Variants in ANKRD13C observed in about 807,000 individuals in gnomAD.
ANKRD13C encodes the protein ankyrin repeat domain 13C.
ANKRD13C carries 16 observed loss-of-function variants against 65.5 expected under a neutral mutation model. The ratio of observed to expected loss-of-function variants is 0.24; its 90% CI spans 0.17 to 0.37. The LOEUF (loss-of-function observed/expected upper bound fraction) is 0.37, where lower values mean the gene tolerates loss of function less well. Among genes scored for constraint, ANKRD13C ranks in the 10% least tolerant of loss-of-function variants. The probability of loss-of-function intolerance (pLI) is 1.00; values close to 1 mark genes in which losing one functional copy is unlikely to be tolerated. For missense variants in ANKRD13C, 503 were observed against 655.9 expected, an observed-to-expected ratio of 0.77 and a Z score of 2.55; for synonymous variants, 235 against 238.7, an observed-to-expected ratio of 0.98 and a Z score of 0.14.
In ANKRD13C at chr1:70,354,309, G is replaced by A. The variant is rs573444936; in HGVS notation, c.100C>T (p.Leu34Phe). Residue 34 changes from leucine (L) to phenylalanine (F), a missense_variant, in exon 1 of 13, where the codon CTC becomes TTC. Coordinates refer to ENST00000370944, the MANE Select transcript of ANKRD13C (RefSeq NM_030816.5). ...CTGCTTCTGGTAAAGGTACCGCCGA[G>A]GGCAGCCGCCGCTTCCTCATCCCCG... ...EPGDEEAAAALGGTFTRSRIG... is the reference protein window; with the variant it reads ...EPGDEEAAAAFGGTFTRSRIG... 2 of 1,613,934 alleles carry A rather than the reference G, an allele frequency of 1.2e-6. No individual in the cohort carries two copies. Among genetic ancestry groups the A allele is most frequent in the Non-Finnish European group, 1.7e-6 (2 of 1,180,004 alleles).
chr1:70,265,940 A>AG (rs371798267), intron 12 of ANKRD13C, among the ~76,000 whole-genome samples: 5 of 150,918 alleles, frequency 3.3e-5, no homozygotes, highest in South Asian at 2.1e-4. Context: ...AAGGGAGGGA[A>AG]GAAGGAAGGA....
chr1:70,286,539 C>G (rs997165342), intron 9 of ANKRD13C, among the ~76,000 whole-genome samples: 1 of 151,970 alleles, frequency 6.6e-6, no homozygotes, highest in Admixed American at 6.6e-5. Context: ...CTGCTCATAC[C>G]ATTTTTATTC....
At chr1:70,269,098 T>C (rs574564222) in intron 12 of ANKRD13C, among the ~76,000 whole-genome samples, 2 of 149,848 alleles carry the variant, frequency 1.3e-5, no homozygotes, top group South Asian at 4.2e-4. Context: ...ATCCTAAATG[T>C]AGAAAAAGAA....
intron 1 of ANKRD13C, among the ~76,000 whole-genome samples, chr1:70,350,142 CA>C (rs1311936028): frequency 6.6e-6 from 1 of 152,104 alleles, no homozygotes; most frequent in Admixed American, 6.6e-5. Context: ...GATTCCATCA[CA>C]AAAAATAATA....
At chr1:70,307,891 G>C (rs1185890494) in intron 5 of ANKRD13C, among the ~76,000 whole-genome samples, 1 of 152,148 alleles carries the variant, frequency 6.6e-6, no homozygotes, top group South Asian at 2.1e-4. Flanking sequence ...GAAGGCTGAA[G>C]TGGGCTATGA....
At chr1:70,326,210 A>G (rs1272602262) in intron 2 of ANKRD13C, among the ~76,000 whole-genome samples, 2 of 132,902 alleles carry the variant, frequency 1.5e-5, no homozygotes, top group Non-Finnish European at 3.1e-5. Flanking sequence ...CAGCCTGGGC[A>G]ACAAGAGCCA....
chr1:70,330,949 A>G (rs1681768646), intron 2 of ANKRD13C, among the ~76,000 whole-genome samples: 1 of 152,176 alleles, frequency 6.6e-6, no homozygotes, highest in Non-Finnish European at 1.5e-5. Context: ...ATAACCTCCC[A>G]CGTGACATTA....
chr1:70,331,419 G>A (rs1306115444), intron 2 of ANKRD13C, among the ~76,000 whole-genome samples: 5 of 148,258 alleles, frequency 3.4e-5, no homozygotes. Flanking sequence ...AAATTAGCCG[G>A]GCATGGTAAC....
intron 3 of ANKRD13C, among the ~76,000 whole-genome samples, chr1:70,323,079 A>G (rs1681379728): frequency 6.6e-6 from 1 of 152,196 alleles, no homozygotes; most frequent in South Asian, 2.1e-4. Context: ...CATTCTGTTA[A>G]TTAGTTAGAA....
intron 9 of ANKRD13C, among the ~76,000 whole-genome samples, chr1:70,279,625 C>A (rs1266001208): frequency 6.6e-6 from 1 of 151,452 alleles, no homozygotes; most frequent in Admixed American, 6.6e-5. Flanking sequence ...TCTGCCTCAG[C>A]CTCCTGAGTT....
At chr1:70,326,362 T>C (rs902903104) in intron 2 of ANKRD13C, among the ~76,000 whole-genome samples, 17 of 151,908 alleles carry the variant, frequency 1.1e-4, no homozygotes, top group Non-Finnish European at 2.1e-4. Context: ...AGACAAGGTA[T>C]TGCTATCGAA....
chr1:70,317,827 G>T (rs1681135661), intron 3 of ANKRD13C, among the ~76,000 whole-genome samples: 1 of 152,114 alleles, frequency 6.6e-6, no homozygotes, highest in Admixed American at 6.5e-5. Flanking sequence ...TGCAGAGAAT[G>T]AAAAGAATTC....
rs916505093 is a variant in ANKRD13C at position 70,300,750 on chromosome 1, GACAACATGCTC to G, written c.921+3_921+13del. ...TAATGATTTAAAGGAATATTGATAA[GACAACATGCTC>G]ACCTCATGATGTATTCGCTGATAAA... On this transcript the variant is annotated splice_donor_5th_base_variant and intron_variant, in intron 7 of 12. Transcript: ENST00000370944. 6.4e-7 allele frequency: 1 copy of G among 1,574,506 alleles called. No homozygotes were observed.
Position 70,300,680 on chromosome 1 carries a change from A to C in ANKRD13C, c.921+84T>G, listed in dbSNP as rs182279420. 745 of 1,302,422 alleles carry C rather than the reference A, an allele frequency of 5.7e-4. 5 individuals are homozygous for C. The African/African-American group carries it at 8.9e-3, about 16-fold the overall frequency. 80.7% of individuals were successfully genotyped at this position (1,302,422 alleles called of 1,614,324 possible). A position where few individuals can be genotyped will look rare whatever the true frequency, so the allele number is the denominator to read the frequency against. ...CATCTCAATTATACCTTAAGCTTTT[A>C]AGCAAATTATACTGAGGTTTTGCTA... On this transcript the variant is annotated intron_variant, in intron 7 of 12. Transcript: ENST00000370944.
intron 5 of ANKRD13C, among the ~76,000 whole-genome samples, chr1:70,306,869 T>C (rs896228597): frequency 6.6e-6 from 1 of 152,238 alleles, no homozygotes; most frequent in African/African-American, 2.4e-5. Flanking sequence ...ATAGCTCATA[T>C]ACATGCCACA....
At chr1:70,340,512 G>A (rs1316045744) in intron 1 of ANKRD13C, among the ~76,000 whole-genome samples, 1 of 151,958 alleles carries the variant, frequency 6.6e-6, no homozygotes, top group Non-Finnish European at 1.5e-5. Flanking sequence ...TTTTTATTCT[G>A]CAGTTGTTGG....
At chr1:70,292,706 CAT>C (rs1367357699) in intron 8 of ANKRD13C, among the ~76,000 whole-genome samples, 157 bp from the exon 9 acceptor site, 1 of 152,130 alleles carries the variant, frequency 6.6e-6, no homozygotes, top group African/African-American at 2.4e-5. Context: ...GGTTATACAA[CAT>C]ATACATCTAA....
chr1:70,354,134 G>A lies in ANKRD13C; in HGVS notation c.275C>T (p.Pro92Leu), dbSNP rs374867566. The change falls in exon 1 of 13, where the codon CCG (proline) becomes CTG (leucine). Residue 92 changes from proline to leucine, a missense_variant. Transcript: ENST00000370944. ...NSSVTANSQS[P>L]ALLAGTNPVA... Reference sequence around the variant, plus strand: ...GGGGTTGGTGCCGGCCAGAAGGGCCGGGGACTGGGAGTTGGCAGTCACGGA... The same window carrying A: ...GGGGTTGGTGCCGGCCAGAAGGGCCAGGGACTGGGAGTTGGCAGTCACGGA... 8.0e-5 allele frequency: 129 copies of A among 1,613,924 alleles called. No individual in the cohort carries two copies. The highest frequency in any genetic ancestry group is 9.8e-5 in the Non-Finnish European group (116 of 1,179,880).
rs1309641119 is a variant in ANKRD13C, at chr1:70,324,941, A to C, written c.489T>G (p.Leu163=). The C allele has an allele frequency of 6.2e-7, 1 of 1,611,102 alleles. No homozygotes were observed. The highest frequency in any genetic ancestry group is 8.5e-7 in the Non-Finnish European group (1 of 1,178,282). ...MLGNKECAHL[L]LAHNAPVKVK... ...CCTTGACTGGAGCATTGTGAGCCAA[A>C]AGTAAATGGGCACATTCTGCAATAT... The change falls in exon 3 of 13, where the codon CTT becomes CTG. Residue 163 remains leucine (L), a synonymous_variant. Coordinates refer to ENST00000370944, the MANE Select transcript of ANKRD13C (RefSeq NM_030816.5).
Sources: allele counts gnomAD v4.1 joint callset (sites outside exome capture counted in the v4.1 genomes callset), GRCh38; gene constraint gnomAD v4.1.1; transcripts MANE v1.5; gene names NCBI Gene and HGNC (gene_info 2026-07-23, HGNC 2026-07-21).